The following NRG1 variants were observed in gnomAD, a reference collection of about 807,000 sequenced individuals.
The protein encoded by NRG1 is neuregulin 1.
In NRG1, 18 loss-of-function variants were observed where a neutral mutation model predicts 63.8. That is an observed-to-expected ratio of 0.28 (90% CI 0.19 to 0.42). NRG1 has a LOEUF of 0.42. NRG1 is among the 10% of genes least tolerant of loss of function. NRG1 has a pLI of 1.00. For synonymous variants in NRG1, 302 were observed against 301.3 expected (o/e 1.00, Z -0.02); for missense variants, 762 against 814.7 (o/e 0.94, Z 0.79).
chr8:32,435,673 CAG>C (rs1322537959), intron 1 of NRG1, among the ~76,000 whole-genome samples: 8 of 152,032 alleles, frequency 5.3e-5, no homozygotes, highest in African/African-American at 1.9e-4. Context: ...TCTCTGTCCA[CAG>C]CAAAAACGTT....
At chr8:31,793,763 A>G (rs188240465) in intron 1 of NRG1, among the ~76,000 whole-genome samples, 242 of 152,292 alleles carry the variant, frequency 1.6e-3, no homozygotes, top group African/African-American at 5.7e-3. Flanking sequence ...TTTATTTTCT[A>G]CTTGTGAGAT....
chr8:32,507,258 G>A (rs1433750196), intron 1 of NRG1, among the ~76,000 whole-genome samples: 2 of 152,194 alleles, frequency 1.3e-5, no homozygotes, highest in South Asian at 2.1e-4. Flanking sequence ...CAGAGGGTAA[G>A]GCAGGTTAGT....
exon 12 of NRG1, chr8:32,764,296 G>A (rs201022979): frequency 8.0e-5 from 129 of 1,614,010 alleles, no homozygotes; most frequent in Middle Eastern, 3.3e-4. Flanking sequence ...CCTGCCTTCC[G>A]CCTGGCTGAC....
At chr8:32,387,080 A>G (rs1811113794) in intron 1 of NRG1, among the ~76,000 whole-genome samples, 1 of 152,344 alleles carries the variant, frequency 6.6e-6, no homozygotes, top group Non-Finnish European at 1.5e-5. Context: ...TTCAGGAATA[A>G]TTTTCAGTGC....
intron 5 of NRG1, among the ~76,000 whole-genome samples, chr8:32,678,692 G>A (rs1807828553): frequency 6.6e-6 from 1 of 152,036 alleles, no homozygotes; most frequent in Non-Finnish European, 1.5e-5. Context: ...TGGACTTCCG[G>A]GCTTTGGTGA....
At chr8:32,738,624 C>G (rs183222800) in intron 6 of NRG1, among the ~76,000 whole-genome samples, 1 of 152,144 alleles carries the variant, frequency 6.6e-6, no homozygotes, top group African/African-American at 2.4e-5. Flanking sequence ...GTTTAACATA[C>G]AATGTTGATA....
intron 5 of NRG1, among the ~76,000 whole-genome samples, chr8:32,650,692 G>T (rs1007042961): frequency 6.8e-6 from 1 of 146,942 alleles, no homozygotes; most frequent in South Asian, 2.2e-4. Context: ...GCTTACAAAG[G>T]GATTGTATTT....
intron 1 of NRG1, among the ~76,000 whole-genome samples, chr8:32,227,743 T>G (rs1204153308): frequency 6.6e-6 from 1 of 152,164 alleles, no homozygotes; most frequent in Non-Finnish European, 1.5e-5. Flanking sequence ...AATACATACT[T>G]AGACCCTCTC....
At chr8:31,926,062 C>A (rs1391186359) in intron 1 of NRG1, among the ~76,000 whole-genome samples, 10 of 152,100 alleles carry the variant, frequency 6.6e-5, no homozygotes, top group Admixed American at 6.6e-4. Context: ...GATCTGTTAT[C>A]TCAGAGAGGA....
At chr8:32,112,670 A>C (rs1832186789) in intron 1 of NRG1, among the ~76,000 whole-genome samples, 1 of 152,132 alleles carries the variant, frequency 6.6e-6, no homozygotes. Flanking sequence ...TGTGGCCTGG[A>C]GTGGCCAAAA....
intron 1 of NRG1, among the ~76,000 whole-genome samples, chr8:32,501,307 C>A (rs780204797): frequency 6.6e-6 from 1 of 152,184 alleles, no homozygotes; most frequent in Non-Finnish European, 1.5e-5. Flanking sequence ...TGACAGATTT[C>A]TAGGAATTTT....
chr8:32,771,706 T>TTAAAAAAA (rs1554673046), downstream of NRG1, among the ~76,000 whole-genome samples: 1 of 80,234 alleles, frequency 1.2e-5, no homozygotes, highest in Admixed American at 1.4e-4. Context: ...TCCATTTCTT[T>TTAAAAAAA]AAAAAAAAAA....
intron 5 of NRG1, among the ~76,000 whole-genome samples, chr8:32,694,435 G>A (rs1812699511): frequency 6.6e-6 from 1 of 152,072 alleles, no homozygotes; most frequent in Non-Finnish European, 1.5e-5. Flanking sequence ...CTCGTGAGGT[G>A]CTTCATTTTT....
intron 1 of NRG1, among the ~76,000 whole-genome samples, chr8:32,381,477 G>C (rs1810337481): frequency 6.6e-6 from 1 of 152,130 alleles, no homozygotes; most frequent in Non-Finnish European, 1.5e-5. Flanking sequence ...CGGAGGCAGG[G>C]CCTGGTACAG....
intron 1 of NRG1, among the ~76,000 whole-genome samples, chr8:31,950,647 T>C (rs181115236): frequency 6.6e-6 from 1 of 152,370 alleles, no homozygotes; most frequent in South Asian, 2.1e-4. Context: ...AAGGCTTTGT[T>C]TTTTTCTTGG....
At chr8:32,054,859 CTTTCTTTTTTTTTTTTTTTT>C (rs1822608798) in intron 1 of NRG1, among the ~76,000 whole-genome samples, 5 of 70,688 alleles carry the variant, frequency 7.1e-5, no homozygotes, top group African/African-American at 1.7e-4. Flanking sequence ...AGATTTCTTT[CTTTCTTTTTTTTTTTTTTTT>C]TTTTTTTTTT....
At chr8:31,804,671 T>C (rs894885603) in intron 1 of NRG1, among the ~76,000 whole-genome samples, 2 of 152,130 alleles carry the variant, frequency 1.3e-5, no homozygotes, top group African/African-American at 4.8e-5. Flanking sequence ...GATGCTGCTG[T>C]TTTGAAGCTG....
At chr8:32,596,119 GA>G (rs1843317042) in intron 2 of NRG1, 114 bp downstream of exon 2, 1 of 820,088 alleles carries the variant, frequency 1.2e-6, no homozygotes, top group African/African-American at 1.7e-5. Flanking sequence ...GATAATAAGT[GA>G]AAAGCTGTTT....
chr8:32,503,967 G>C (rs1588015477), intron 1 of NRG1, among the ~76,000 whole-genome samples: 2 of 152,282 alleles, frequency 1.3e-5, no homozygotes, highest in South Asian at 4.2e-4. Context: ...TCAGTGGCTT[G>C]CCAGCACTTC....
Sources: gnomAD v4.1 joint callset for allele counts (sites outside exome capture counted in the v4.1 genomes callset) on GRCh38, gnomAD v4.1.1 for gene constraint, MANE v1.5 for transcripts, NCBI Gene and HGNC (gene_info 2026-07-23, HGNC 2026-07-21) for gene names.